The following TRIO variants were observed in gnomAD, a reference collection of about 807,000 sequenced individuals.
TRIO encodes triple functional domain protein.
TRIO carries 58 observed loss-of-function variants against 351.9 expected under a neutral mutation model. The ratio of observed to expected loss-of-function variants is 0.16; its 90% confidence interval spans 0.13 to 0.21. The LOEUF (loss-of-function observed/expected upper bound fraction) is 0.21. TRIO is among the 10% of genes least tolerant of loss of function. The pLI, the probability that TRIO is intolerant of heterozygous loss-of-function variation, is 1.00. For synonymous variants in TRIO, 1,758 were observed against 1,595.7 expected, an observed-to-expected ratio of 1.10 and a Z score of -2.42; for missense variants, 3,201 against 4,027.8, an observed-to-expected ratio of 0.79 and a Z score of 5.56.
chr5:14,507,531 G>A (rs1041289036), intron 56 of TRIO, among the ~76,000 whole-genome samples: 2 of 152,182 alleles, frequency 1.3e-5, no homozygotes, highest in African/African-American at 4.8e-5. Context: ...TGCCCGGTGG[G>A]TGTGGCGGGT....
At chr5:14,470,375 A>G (rs1754596048) in intron 37 of TRIO, among the ~76,000 whole-genome samples, 1 of 152,248 alleles carries the variant, frequency 6.6e-6, no homozygotes, top group African/African-American at 2.4e-5. Context: ...TGTGCTGTTC[A>G]AACCTAGAAT....
At chr5:14,349,236 T>G (rs1742793111) in intron 11 of TRIO, among the ~76,000 whole-genome samples, 1 of 151,038 alleles carries the variant, frequency 6.6e-6, no homozygotes, top group Admixed American at 6.6e-5. Flanking sequence ...CCTGTGTGTT[T>G]GTGTGTGCAC....
intron 20 of TRIO, among the ~76,000 whole-genome samples, chr5:14,379,279 A>T (rs1745853133): frequency 6.6e-6 from 1 of 152,232 alleles, no homozygotes; most frequent in Non-Finnish European, 1.5e-5. Context: ...TATGCAGCTG[A>T]TCCAGAGCAG....
chr5:14,416,472 T>C (rs1749654222), intron 33 of TRIO, among the ~76,000 whole-genome samples: 2 of 152,146 alleles, frequency 1.3e-5, no homozygotes, highest in South Asian at 4.1e-4. Context: ...GTTGATTTGC[T>C]GGGAGATGGG....
chr5:14,246,769 C>G (rs1794463295), intron 1 of TRIO, among the ~76,000 whole-genome samples: 1 of 152,228 alleles, frequency 6.6e-6, no homozygotes, highest in Admixed American at 6.5e-5. Context: ...CTCAGCCATT[C>G]CCTGCCATTC....
At chr5:14,409,222 GTC>G (rs1302249357) in intron 33 of TRIO, among the ~76,000 whole-genome samples, 3 of 152,154 alleles carry the variant, frequency 2.0e-5, no homozygotes, top group Admixed American at 6.5e-5. Context: ...ACAGAAATAA[GTC>G]TCTATCCTGG....
intron 33 of TRIO, among the ~76,000 whole-genome samples, chr5:14,416,020 G>A (rs1468382506): frequency 6.6e-6 from 1 of 151,584 alleles, no homozygotes; most frequent in Non-Finnish European, 1.5e-5. Flanking sequence ...GCCCATGATA[G>A]AAACCCATTA....
chr5:14,413,361 A>G (rs1208625824), intron 33 of TRIO, among the ~76,000 whole-genome samples: 1 of 152,220 alleles, frequency 6.6e-6, no homozygotes, highest in Non-Finnish European at 1.5e-5. Flanking sequence ...TCCTAGCTGC[A>G]TGCGTATCCA....
intron 36 of TRIO, among the ~76,000 whole-genome samples, chr5:14,464,236 A>G (rs540454043): frequency 6.6e-6 from 1 of 152,316 alleles, no homozygotes; most frequent in East Asian, 1.9e-4. Context: ...GAAAAGCAGA[A>G]AACTGGCATT....
chr5:14,445,884 C>G (rs994048947), intron 34 of TRIO, among the ~76,000 whole-genome samples: 3 of 152,180 alleles, frequency 2.0e-5, no homozygotes, highest in Admixed American at 6.5e-5. Context: ...CCCTTTGTCT[C>G]TCTCCAGTTA....
intron 1 of TRIO, among the ~76,000 whole-genome samples, chr5:14,162,360 G>A (rs532248068): frequency 7.9e-5 from 12 of 152,278 alleles, no homozygotes; most frequent in Admixed American, 4.6e-4. Context: ...AAATCATGTC[G>A]TAAATTATCA....
At chr5:14,364,962 TACAC>T in intron 15 of TRIO, 146 bp downstream of exon 15, 1 of 1,070,494 alleles carries the variant, frequency 9.3e-7, no homozygotes, top group Non-Finnish European at 1.3e-6. Flanking sequence ...AATGCGCACA[TACAC>T]ACACCCCCGC....
intron 11 of TRIO, among the ~76,000 whole-genome samples, chr5:14,357,078 T>C (rs901930383): frequency 7.2e-5 from 11 of 152,220 alleles, no homozygotes; most frequent in African/African-American, 2.2e-4. Flanking sequence ...GTGCAGCTTA[T>C]AGTATGTCAG....
chr5:14,387,739 G>C lies in TRIO; in HGVS notation c.3773G>C (p.Ser1258Thr), dbSNP rs1746670604. The C allele has an allele frequency of 1.9e-6, 3 of 1,614,106 alleles. No homozygotes were observed. Among genetic ancestry groups the C allele is most frequent in the Non-Finnish European group, 2.5e-6 (3 of 1,180,044 alleles). ...GGCTCTGTTATTCCACAGAGTAAAA[G>C]TCTCCAGCTAGATATCATTCCAGCC... is the stretch of plus-strand genomic sequence containing the variant. ...ISSDSNKSSK[S>T]LQLDIIPASI... Residue 1258 changes from serine to threonine, a missense_variant, in exon 23 of 57, where the codon AGT becomes ACT. By Grantham distance (58) the Ser-to-Thr change is moderately conservative (BLOSUM62 1). Coordinates refer to ENST00000344204, the MANE Select transcript of TRIO (RefSeq NM_007118.4).
chr5:14,431,462 C>T (rs565871756), intron 34 of TRIO, among the ~76,000 whole-genome samples: 75 of 152,328 alleles, frequency 4.9e-4, no homozygotes, highest in African/African-American at 1.6e-3. Context: ...CTGCATTGCA[C>T]GGCGGCTCTG....
At chr5:14,209,801 G>A (rs1361348397) in intron 1 of TRIO, among the ~76,000 whole-genome samples, 2 of 152,222 alleles carry the variant, frequency 1.3e-5, no homozygotes, top group Non-Finnish European at 2.9e-5. Flanking sequence ...GGCCCTCAAG[G>A]CAGTATTTTT....
rs1390281235 is a variant in TRIO at position 14,481,368 on chromosome 5, C to A, written c.6387+84C>A. The A allele has an allele frequency of 3.2e-6, 5 of 1,571,252 alleles. No individual in the cohort carries two copies. In the East Asian group the frequency reaches 9.0e-5, roughly 28 times the overall value. ...CAAGTGTCTCCTAACAGTGGTCTGG[C>A]CCTGGGAGGGGGTCAAAGCAGTGGA... On this transcript the variant is annotated intron_variant, in intron 44 of 56. Transcript: ENST00000344204.
At position 14,364,830 on chromosome 5, in the gene TRIO, T is replaced by C; in HGVS notation, c.2754+14T>C. 1.9e-6 allele frequency: 3 copies of C among 1,602,636 alleles called. No homozygotes were observed. Among genetic ancestry groups the C allele is most frequent in the Non-Finnish European group, 2.6e-6 (3 of 1,174,960 alleles). On this transcript the variant is annotated intron_variant, in intron 15 of 56. Transcript: ENST00000344204. ...GAAGTGAAACAGGTGAGCAAACGAC[T>C]GGATGCTTGGGGAGGCTGCGCTACA...
intron 1 of TRIO, among the ~76,000 whole-genome samples, chr5:14,162,754 A>G (rs919889340): frequency 6.6e-6 from 1 of 152,192 alleles, no homozygotes; most frequent in East Asian, 1.9e-4. Context: ...CAGGCAGCAT[A>G]ATCACTTCCA....
Sources: gnomAD v4.1 joint callset for allele counts (sites outside exome capture counted in the v4.1 genomes callset) on GRCh38, gnomAD v4.1.1 for gene constraint, MANE v1.5 for transcripts, NCBI Gene and HGNC (gene_info 2026-07-23, HGNC 2026-07-21) for gene names.